The following PDS5B variants were observed in gnomAD, a reference collection of about 807,000 sequenced individuals.
PDS5B encodes the protein PDS5 cohesin associated factor B, also known as sister chromatid cohesion protein PDS5 homolog B.
A neutral mutation model predicts 184.1 loss-of-function variants in PDS5B; 51 were observed. The observed-to-expected ratio is 0.28, with a 90% CI of 0.22 to 0.35. PDS5B has a LOEUF of 0.35. PDS5B is among the 10% of genes least tolerant of loss of function. The pLI, the probability that PDS5B is intolerant of heterozygous loss-of-function variation, is 1.00. For missense variants in PDS5B, 1,180 were observed against 1,723.3 expected, an observed-to-expected ratio of 0.68 and a Z score of 5.58; for synonymous variants, 566 against 569.2, an observed-to-expected ratio of 0.99 and a Z score of 0.08.
intron 19 of PDS5B, among the ~76,000 whole-genome samples, chr13:32,727,739 A>G (rs989118881): frequency 6.6e-6 from 1 of 152,104 alleles, no homozygotes; most frequent in African/African-American, 2.4e-5. Context: ...ATCCAAATGA[A>G]TAATAATATG....
At position 32,626,091 on chromosome 13, in the gene PDS5B, C is replaced by T. The variant is rs557011518; in HGVS notation, c.-19-22663C>T. On this transcript the variant is annotated intron_variant, in intron 1 of 34. Coordinates refer to ENST00000315596, the MANE Select transcript of PDS5B (RefSeq NM_015032.4). ...CTGACCCCGAGTGATCTATCTGCCT[C>T]GGCCTCCCAAAGTGCTGGGATTACA... is the stretch of plus-strand genomic sequence containing the variant. Among the ~76,000 whole-genome samples, 6 of 152,244 alleles carry T rather than the reference C, an allele frequency of 3.9e-5. 1 individual carries two copies. Among genetic ancestry groups the T allele is most frequent in the Middle Eastern group, 6.8e-3 (2 of 294 alleles).
intron 15 of PDS5B, among the ~76,000 whole-genome samples, chr13:32,698,040 C>A (rs1427728024): frequency 1.3e-3 from 89 of 66,116 alleles, no homozygotes; most frequent in Non-Finnish European, 2.0e-4. Context: ...AGAGATCATT[C>A]CCTAAGTTCT....
At chr13:32,746,646 C>G (rs758249738) in intron 24 of PDS5B, among the ~76,000 whole-genome samples, 2 of 152,118 alleles carry the variant, frequency 1.3e-5, no homozygotes, top group Non-Finnish European at 2.9e-5. Context: ...AAACACCAGA[C>G]AGTACTTCAT....
chr13:32,724,664 C>T (rs1426873668), intron 19 of PDS5B, among the ~76,000 whole-genome samples: 1 of 152,150 alleles, frequency 6.6e-6, no homozygotes, highest in Non-Finnish European at 1.5e-5. Context: ...TCACTGCAGC[C>T]TCGACCTCCT....
intron 1 of PDS5B, among the ~76,000 whole-genome samples, chr13:32,592,629 C>A (rs900993603): frequency 6.6e-6 from 1 of 152,152 alleles, no homozygotes; most frequent in African/African-American, 2.4e-5. Context: ...TTCGACTCTC[C>A]TAGCCTTCTG....
chr13:32,775,040 G>A lies in PDS5B; in HGVS notation c.4332G>A (p.Arg1444=), dbSNP rs374947063. ...AGGTACGGCGGCGAAGTGCTAAAAGGGAACGGCGATGAACAAATGTAATTA... is the reference window on the plus strand; with the variant it reads ...AGGTACGGCGGCGAAGTGCTAAAAGAGAACGGCGATGAACAAATGTAATTA... ...TVNVRRRSAK[R]ERR is the part of the protein sequence containing the mutation. The change falls in exon 35 of 35, where the codon AGG becomes AGA. Residue 1444 remains arginine, a synonymous_variant. Transcript: ENST00000315596. The A allele has an allele frequency of 9.3e-6, 15 of 1,612,826 alleles. No individual in the cohort carries two copies. Among genetic ancestry groups the A allele is most frequent in the Middle Eastern group, 1.6e-4 (1 of 6,074 alleles).
chr13:32,725,082 C>T (rs1024368060), intron 19 of PDS5B, among the ~76,000 whole-genome samples: 2 of 152,154 alleles, frequency 1.3e-5, no homozygotes, highest in African/African-American at 4.8e-5. Flanking sequence ...TATTGTCATT[C>T]TTCTTCATTT....
At chr13:32,601,394 T>C (rs1361454557) in intron 1 of PDS5B, among the ~76,000 whole-genome samples, 1 of 152,200 alleles carries the variant, frequency 6.6e-6, no homozygotes, top group Non-Finnish European at 1.5e-5. Flanking sequence ...AACTCAGTAT[T>C]GTTTCAGTCA....
intron 24 of PDS5B, among the ~76,000 whole-genome samples, chr13:32,747,888 A>G (rs1399984651): frequency 1.3e-5 from 2 of 152,190 alleles, no homozygotes; most frequent in Non-Finnish European, 2.9e-5. Context: ...AACAGTATAT[A>G]AGAAGTATGT....
chr13:32,762,299 T>C (rs953662461), intron 30 of PDS5B, among the ~76,000 whole-genome samples: 3 of 152,218 alleles, frequency 2.0e-5, no homozygotes, highest in African/African-American at 7.2e-5. Flanking sequence ...ATTAAAAGAC[T>C]GTACTGTCTT....
At chr13:32,730,901 A>G (rs985584066) in intron 19 of PDS5B, among the ~76,000 whole-genome samples, 1 of 152,142 alleles carries the variant, frequency 6.6e-6, no homozygotes, top group Non-Finnish European at 1.5e-5. Flanking sequence ...AACAGTGACT[A>G]TTTGACTTCC....
At chr13:32,674,056 C>T (rs1267336738) in intron 8 of PDS5B, among the ~76,000 whole-genome samples, 1 of 152,108 alleles carries the variant, frequency 6.6e-6, no homozygotes, top group Non-Finnish European at 1.5e-5. Flanking sequence ...CTCAAGTAAT[C>T]CACCTGCCTC....
chr13:32,615,277 G>C (rs2058201435), intron 1 of PDS5B, among the ~76,000 whole-genome samples: 1 of 151,968 alleles, frequency 6.6e-6, no homozygotes, highest in African/African-American at 2.4e-5. Flanking sequence ...GAGTAAGCAG[G>C]GATACTCCTG....
chr13:32,710,272 T>A lies in PDS5B; in HGVS notation c.2123+166T>A, dbSNP rs573171406. ...CTCCTTTCCTGGGAGAAAGCTTTGA[T>A]TGGTATTTTAGAAGATGCATGAGTG... On this transcript the variant is annotated intron_variant, in intron 19 of 34. Coordinates refer to ENST00000315596, the MANE Select transcript of PDS5B (RefSeq NM_015032.4). Among the ~76,000 whole-genome samples the A allele has an allele frequency of 3.3e-5, 5 of 152,300 alleles. No individual in the cohort carries two copies. In the East Asian group the frequency reaches 9.6e-4, roughly 29 times the overall value.
chr13:32,654,793 C>T (rs534087056), intron 3 of PDS5B, among the ~76,000 whole-genome samples: 3 of 152,278 alleles, frequency 2.0e-5, no homozygotes, highest in African/African-American at 7.2e-5. Context: ...ATTTGGTTTT[C>T]TCTTCCTGCA....
intron 9 of PDS5B, among the ~76,000 whole-genome samples, chr13:32,676,520 A>G (rs77857399): frequency 0.038 from 5,832 of 152,186 alleles, 349 homozygotes; most frequent in African/African-American, 0.13. Flanking sequence ...TTCATCCCTG[A>G]CCTTGAAATA....
intron 22 of PDS5B, among the ~76,000 whole-genome samples, chr13:32,741,703 G>C (rs1195667981): frequency 1.3e-3 from 129 of 95,946 alleles, no homozygotes; most frequent in African/African-American, 5.3e-3. Flanking sequence ...TTCAGTCTGT[G>C]TGTGTGTGTG....
At chr13:32,661,530 A>T (rs1950648673) in intron 6 of PDS5B, among the ~76,000 whole-genome samples, 1 of 152,066 alleles carries the variant, frequency 6.6e-6, no homozygotes, top group Non-Finnish European at 1.5e-5. Flanking sequence ...GAGATGAAAC[A>T]TGAAAGGTAA....
chr13:32,729,842 C>T (rs1324763457), intron 19 of PDS5B, among the ~76,000 whole-genome samples: 3 of 151,952 alleles, frequency 2.0e-5, no homozygotes, highest in Admixed American at 6.6e-5. Flanking sequence ...GGATATTAGC[C>T]CTTTGTCAGA....
Sources: gnomAD v4.1 joint callset for allele counts (sites outside exome capture counted in the v4.1 genomes callset) on GRCh38, gnomAD v4.1.1 for gene constraint, MANE v1.5 for transcripts, NCBI Gene and HGNC (gene_info 2026-07-23, HGNC 2026-07-21) for gene names.